The following SLC22A12 variants were observed in gnomAD, a reference collection of about 807,000 sequenced individuals.
SLC22A12 encodes the protein organic anion transporter 4-like protein.
In SLC22A12, 56 loss-of-function variants were observed where a neutral mutation model predicts 52.7. The observed-to-expected ratio is 1.06, with a 90% CI of 0.86 to 1.33. SLC22A12 has a LOEUF of 1.33. Among genes scored for constraint, SLC22A12 ranks in the 40% most tolerant of loss-of-function variants. The pLI, the probability that SLC22A12 is intolerant of heterozygous loss-of-function variation, is 0.00. For missense variants in SLC22A12, 683 were observed against 741.5 expected (o/e 0.92, Z 0.92); for synonymous variants, 337 against 324.6 (o/e 1.04, Z -0.41).
At chr11:64,597,200 G>T (rs2039274478) in intron 4 of SLC22A12, among the ~76,000 whole-genome samples, 1 of 151,980 alleles carries the variant, frequency 6.6e-6, no homozygotes, top group African/African-American at 2.4e-5. Flanking sequence ...CCTTCCCAGG[G>T]TCACCCACAA....
At chr11:64,594,797 G>A (rs892293405) in intron 4 of SLC22A12, among the ~76,000 whole-genome samples, 30 of 150,420 alleles carry the variant, frequency 2.0e-4, no homozygotes, top group African/African-American at 7.3e-4. Context: ...TAAATGGATG[G>A]ATGGATGAAT....
chr11:64,594,969 AGATG>A lies in SLC22A12; in HGVS notation c.830+1180_830+1183del, dbSNP rs1176581207. ...GGATGGATGGATGGATGGTTGGAAT[AGATG>A]GATGGATGGATGGGTGGATGGATGG... On this transcript the variant is annotated intron_variant, in intron 4 of 9. Coordinates refer to ENST00000377574, the MANE Select transcript of SLC22A12 (RefSeq NM_144585.4). Among the ~76,000 whole-genome samples the A allele has an allele frequency of 5.1e-4, 5 of 9,818 alleles. 1 individual carries two copies. The highest frequency in any genetic ancestry group is 1.1e-3 in the African/African-American group (5 of 4,500). The allele number at this position is 9,818 out of a possible 152,430, so 6.4% of individuals were successfully genotyped here.
intron 6 of SLC22A12, 29 bp from the exon 7 acceptor site, chr11:64,599,647 C>A (rs747944188): frequency 2.6e-5 from 13 of 498,218 alleles, no homozygotes; most frequent in Non-Finnish European, 4.1e-5. Context: ...CCCCCACCCC[C>A]ACCCTGACTT....
intron 4 of SLC22A12, among the ~76,000 whole-genome samples, chr11:64,594,642 G>T (rs1304564549): frequency 6.6e-6 from 1 of 152,138 alleles, no homozygotes; most frequent in Non-Finnish European, 1.5e-5. Context: ...ATGGTTGAAT[G>T]GATGGATAGA....
At chr11:64,595,604 GGATGGTTGAATGGATGGATA>G (rs2039147860) in intron 4 of SLC22A12, among the ~76,000 whole-genome samples, 1 of 150,064 alleles carries the variant, frequency 6.7e-6, no homozygotes, top group African/African-American at 2.5e-5. Flanking sequence ...ATGGATGGAT[GGATGGTTGAATGGATGGATA>G]GATGGATGGA....
In SLC22A12 at chr11:64,591,959, G is replaced by C; in HGVS notation, c.402+1G>C. 6.2e-7 allele frequency: 1 copy of C among 1,610,164 alleles called. No individual in the cohort carries two copies. On this transcript the variant is annotated splice_donor_variant, in intron 1 of 9. Transcript: ENST00000377574. LOFTEE classifies it high-confidence loss of function. ...CTTCACCTCCACAATCGTGGCCAAG[G>C]TAGGGCCTCCCCCAGAGCCACTCGA...
At position 64,601,839 on chromosome 11, in the gene SLC22A12, C is replaced by A. The variant is rs930009231; in HGVS notation, c.*288C>A. Reference sequence around the variant, plus strand: ...GCTTCGGAGAGCAGAGGGGTCAGGCCCAGGGGAACGAGCTGGCCTTGCCAA... The same window carrying A: ...GCTTCGGAGAGCAGAGGGGTCAGGCACAGGGGAACGAGCTGGCCTTGCCAA... On this transcript the variant is annotated 3_prime_UTR_variant, in exon 10 of 10. Transcript: ENST00000377574. 1 of 436,094 alleles carries A rather than the reference C, an allele frequency of 2.3e-6. No individual in the cohort carries two copies. The highest frequency in any genetic ancestry group is 2.0e-5 in the African/African-American group (1 of 49,192). The allele number at this position is 436,094 out of a possible 1,614,324, so 27.0% of individuals were successfully genotyped here. A position where few individuals can be genotyped will look rare whatever the true frequency, so the allele number is the denominator to read the frequency against.
At chr11:64,599,533 A>C in intron 6 of SLC22A12, 143 bp from the exon 7 acceptor site, 5 of 660,758 alleles carry the variant, frequency 7.6e-6, no homozygotes, top group East Asian at 2.8e-5. Flanking sequence ...CCCGCCCCAC[A>C]GAGCTGGCAG....
At position 64,599,825 on chromosome 11, in the gene SLC22A12, C is replaced by T. The variant is rs764790853; in HGVS notation, c.1220C>T (p.Pro407Leu). ...CTGCTGAGCCACCTGGGCCGCCGCC[C>T]CACGCTGGCCGCATCCCTGTTGCTG... ...LLLLSHLGRRPTLAASLLLAG... is the reference protein window; with the variant it reads ...LLLLSHLGRRLTLAASLLLAG... Residue 407 changes from proline to leucine, a missense_variant, in exon 7 of 10, where the codon CCC becomes CTC. Transcript: ENST00000377574. The T allele has an allele frequency of 2.5e-6, 4 of 1,612,846 alleles. No homozygotes were observed. The South Asian group carries it at 4.4e-5, about 18-fold the overall frequency.
At chr11:64,599,593 C>CCCCCCCGCCCCTTGTT in intron 6 of SLC22A12, 83 bp from the exon 7 acceptor site, 1 of 669,448 alleles carries the variant, frequency 1.5e-6, no homozygotes, top group Non-Finnish European at 2.2e-6. Flanking sequence ...CACCCTGAGC[C>CCCCCCCGCCCCTTGTT]CCCACCGCCC....
At position 64,600,950 on chromosome 11, in the gene SLC22A12, C is replaced by A; in HGVS notation, c.1598+12C>A. The A allele has an allele frequency of 6.2e-7, 1 of 1,606,092 alleles. No individual in the cohort carries two copies. The highest frequency in any genetic ancestry group is 2.2e-5 in the East Asian group (1 of 44,870). Reference sequence around the variant, plus strand: ...GATGTGCAGAACCAGTGAGTGGACCCAGCCTCGGGACCACCCCTCCCTCCC... The same window carrying A: ...GATGTGCAGAACCAGTGAGTGGACCAAGCCTCGGGACCACCCCTCCCTCCC... On this transcript the variant is annotated intron_variant, in intron 9 of 9. Coordinates refer to ENST00000377574, the MANE Select transcript of SLC22A12 (RefSeq NM_144585.4).
rs376212424 is a variant in SLC22A12, at chr11:64,592,862, G to A, written c.486G>A (p.Ala162=). 2.9e-5 allele frequency: 46 copies of A among 1,613,638 alleles called. No individual in the cohort carries two copies. The highest frequency in any genetic ancestry group is 4.5e-5 in the East Asian group (2 of 44,896). The change falls in exon 2 of 10, where the codon GCG becomes GCA. Residue 162 remains alanine (A), a synonymous_variant. Coordinates refer to ENST00000377574, the MANE Select transcript of SLC22A12 (RefSeq NM_144585.4). The part of the protein sequence containing the change: ...YLAGILVGAA[A]CGPASDRFGR... ...CTGGGATTCTGGTGGGAGCTGCTGC[G>A]TGCGGCCCTGCCTCAGACAGGTGAG...
At chr11:64,599,632 CCCA>C (rs2039381357) in intron 6 of SLC22A12, 41 bp from the exon 7 acceptor site, 4 of 236,344 alleles carry the variant, frequency 1.7e-5, no homozygotes, top group African/African-American at 1.0e-4. Context: ...ACCACCCCCC[CCCA>C]CCCCCCACCC....
Position 64,593,286 on chromosome 11 carries a change from G to T in SLC22A12, c.507-119G>T, listed in dbSNP as rs71581773. The T allele has an allele frequency of 5.3e-6, 8 of 1,498,096 alleles. No individual in the cohort carries two copies. The East Asian group carries it at 1.8e-4, about 34-fold the overall frequency. 92.8% of individuals were successfully genotyped at this position (1,498,096 alleles called of 1,614,324 possible). ...AGAATGTAGGTTTCACCCAGGTGCCGCTTCAGTGTCCGCCTCAGCTCAGCG... is the reference window on the plus strand; with the variant it reads ...AGAATGTAGGTTTCACCCAGGTGCCTCTTCAGTGTCCGCCTCAGCTCAGCG... On this transcript the variant is annotated intron_variant, in intron 2 of 9. Coordinates refer to ENST00000377574, the MANE Select transcript of SLC22A12 (RefSeq NM_144585.4).
Position 64,591,368 on chromosome 11 carries a change from A to G in SLC22A12, c.-189A>G, listed in dbSNP as rs2038911174. ...TCAGGGCCCAGTTGGAGCCACCCCA[A>G]GTGACACCAGCAGGCAGATGACCAG... is the stretch of plus-strand genomic sequence containing the variant. On this transcript the variant is annotated 5_prime_UTR_variant, in exon 1 of 10. Coordinates refer to ENST00000377574, the MANE Select transcript of SLC22A12 (RefSeq NM_144585.4). The G allele has an allele frequency of 1.4e-6, 1 of 738,600 alleles. No homozygotes were observed. The highest frequency in any genetic ancestry group is 2.2e-6 in the Non-Finnish European group (1 of 461,928). 45.8% of individuals were successfully genotyped at this position (738,600 alleles called of 1,614,324 possible). A position where few individuals can be genotyped will look rare whatever the true frequency, so the allele number is the denominator to read the frequency against.
Position 64,594,731 on chromosome 11 carries a change from A to G in SLC22A12, c.830+928A>G, listed in dbSNP as rs868835419. 1.7e-4 allele frequency among the ~76,000 whole-genome samples: 16 copies of G among 95,984 alleles called. No homozygotes were observed. In the East Asian group the frequency reaches 2.7e-3, roughly 16 times the overall value. The allele number at this position is 95,984 out of a possible 152,430, so 63.0% of individuals were successfully genotyped here. ...TGGATGGATGGATGGATGGACGGACAGACGGACGGACGGTTGGATGGATGG... is the reference window on the plus strand; with the variant it reads ...TGGATGGATGGATGGATGGACGGACGGACGGACGGACGGTTGGATGGATGG... On this transcript the variant is annotated intron_variant, in intron 4 of 9. Transcript: ENST00000377574.
In SLC22A12 at chr11:64,599,663, A is replaced by ACCCCTGC. The variant is rs1486696341; in HGVS notation, c.1071-9_1071-3dup. ...CCCCACCCCCACCCTGACTTCCCTG[A>ACCCCTGC]CCCCTGCCCCAGGTTCGCCTTTGGC... On this transcript the variant is annotated splice_polypyrimidine_tract_variant and intron_variant, in intron 6 of 9. Transcript: ENST00000377574. 1.3e-5 allele frequency: 13 copies of ACCCCTGC among 1,005,042 alleles called. No homozygotes were observed. The highest frequency in any genetic ancestry group is 3.0e-4 in the Middle Eastern group (1 of 3,312). 62.3% of individuals were successfully genotyped at this position (1,005,042 alleles called of 1,614,324 possible). A position where few individuals can be genotyped will look rare whatever the true frequency, so the allele number is the denominator to read the frequency against.
rs759448335 is a variant in SLC22A12, at chr11:64,598,616, G to A, written c.931G>A (p.Val311Met). The A allele has an allele frequency of 1.9e-6, 3 of 1,611,064 alleles. No individual in the cohort carries two copies. Among genetic ancestry groups the A allele is most frequent in the African/African-American group, 1.3e-5 (1 of 74,870 alleles). The change falls in exon 5 of 10, where the codon GTG becomes ATG. Residue 311 changes from valine (V) to methionine (M), a missense_variant. Physicochemically the swap from Val to Met is conservative, Grantham distance 21. Transcript: ENST00000377574. ...GGCTGCCATCAACGGAAAGGGGGCA[G>A]TGCAGGACACCCTGACCCCTGAGGT... ...RVAAINGKGA[V>M]QDTLTPEVLL...
intron 9 of SLC22A12, 139 bp from the exon 10 acceptor site, chr11:64,601,349 C>T: frequency 1.2e-6 from 1 of 831,866 alleles, no homozygotes; most frequent in Non-Finnish European, 2.0e-6. Context: ...ACCCCCAACC[C>T]ATCACATGCT....
Sources: gnomAD v4.1 joint callset for allele counts (sites outside exome capture counted in the v4.1 genomes callset) on GRCh38, gnomAD v4.1.1 for gene constraint, MANE v1.5 for transcripts, NCBI Gene and HGNC (gene_info 2026-07-23, HGNC 2026-07-21) for gene names.